Variants in SPATA22 observed in about 807,000 individuals in gnomAD.
The protein encoded by SPATA22 is spermatogenesis-associated protein 22.
In SPATA22, 29 loss-of-function variants were observed where a neutral mutation model predicts 47.8. The ratio of observed to expected loss-of-function variants is 0.61; its 90% CI spans 0.45 to 0.83. The LOEUF (loss-of-function observed/expected upper bound fraction) is 0.83, where lower values mean the gene tolerates loss of function less well. Ranked by LOEUF, SPATA22 falls within the 40% of genes least tolerant of loss-of-function variation. The pLI, the probability that SPATA22 is intolerant of heterozygous loss-of-function variation, is 0.00. For missense variants in SPATA22, 410 were observed against 421.7 expected (o/e 0.97, Z 0.24); for synonymous variants, 133 against 140.9 (o/e 0.94, Z 0.40).
intron 1 of SPATA22, among the ~76,000 whole-genome samples, chr17:3,487,269 A>G (rs1409144433): frequency 2.0e-5 from 3 of 152,236 alleles, no homozygotes; most frequent in African/African-American, 7.2e-5. Context: ...GTTGACTCAG[A>G]AAGATTGTCT....
intron 1 of SPATA22, among the ~76,000 whole-genome samples, chr17:3,509,676 T>C (rs1465763652): frequency 6.6e-6 from 1 of 152,240 alleles, no homozygotes; most frequent in Non-Finnish European, 1.5e-5. Context: ...TTTGGGTGTA[T>C]ACTCAGTAAT....
intron 5 of SPATA22, among the ~76,000 whole-genome samples, chr17:3,449,824 C>T (rs992618399): frequency 1.3e-5 from 2 of 151,964 alleles, no homozygotes; most frequent in Non-Finnish European, 2.9e-5. Flanking sequence ...AGGAGTTCCA[C>T]AGGAAACAAA....
chr17:3,505,740 T>TTGTC (rs1168759187), intron 1 of SPATA22, among the ~76,000 whole-genome samples: 1 of 118,638 alleles, frequency 8.4e-6, no homozygotes, highest in Admixed American at 1.0e-4. Flanking sequence ...GGTTTTTTGT[T>TTGTC]TGTTTGTTGT....
rs866392869 is a variant in SPATA22 at position 3,447,309 on chromosome 17, A to C, written c.673-708T>G. Among the ~76,000 whole-genome samples, 5 of 152,234 alleles carry C rather than the reference A, an allele frequency of 3.3e-5. No homozygotes were observed. In the Middle Eastern group the frequency reaches 0.01, roughly 311 times the overall value. Reference sequence around the variant, plus strand: ...TCAACTAAGAATACAGTGTGTTAAAATACTAATTTTCAAAGGCAAGGGGAC... The same window carrying C: ...TCAACTAAGAATACAGTGTGTTAAACTACTAATTTTCAAAGGCAAGGGGAC... On this transcript the variant is annotated intron_variant, in intron 6 of 8. Coordinates refer to ENST00000572969, the MANE Select transcript of SPATA22 (RefSeq NM_001170698.2).
At chr17:3,458,687 C>T (rs781219858) in intron 5 of SPATA22, among the ~76,000 whole-genome samples, 18 of 151,244 alleles carry the variant, frequency 1.2e-4, no homozygotes, top group East Asian at 1.2e-3. Context: ...TACTAAAATA[C>T]GAAATTAGCC....
chr17:3,504,234 T>G (rs2074020573), intron 1 of SPATA22, among the ~76,000 whole-genome samples: 1 of 152,224 alleles, frequency 6.6e-6, no homozygotes, highest in Admixed American at 6.5e-5. Flanking sequence ...TTGCCCCTCC[T>G]TCTATCCCAT....
intron 5 of SPATA22, among the ~76,000 whole-genome samples, chr17:3,454,137 G>T (rs1282792008): frequency 6.8e-6 from 1 of 146,236 alleles, no homozygotes; most frequent in Non-Finnish European, 1.5e-5. Flanking sequence ...ACACCAAAAA[G>T]AATAAAATAC....
At position 3,490,146 on chromosome 17, in the gene SPATA22, C is replaced by T. The variant is rs2150754398; in HGVS notation, c.-73-20748G>A. 6.6e-6 allele frequency among the ~76,000 whole-genome samples: 1 copy of T among 152,202 alleles called. No individual in the cohort carries two copies. Among genetic ancestry groups the T allele is most frequent in the South Asian group, 2.1e-4 (1 of 4,822 alleles). The stretch of plus-strand genomic sequence containing the variant: ...AGGGAAAGTCCTAGAAGAAAACACA[C>T]CAAACTGATAACAATAGTTACCGGG... On this transcript the variant is annotated intron_variant, in intron 1 of 8. Coordinates refer to the SPATA22 transcript ENST00000541913. This position sits in a 1 kb window ranked among gnomAD's most constrained non-coding sequence, Gnocchi z 4.6.
chr17:3,504,128 C>T (rs555343456), intron 1 of SPATA22, among the ~76,000 whole-genome samples: 2 of 152,218 alleles, frequency 1.3e-5, no homozygotes, highest in East Asian at 1.9e-4. Context: ...CCTCAGACTG[C>T]GCTCTAGCCA....
chr17:3,448,947 T>C lies in SPATA22; in HGVS notation c.532A>G (p.Thr178Ala), dbSNP rs1246319810. Residue 178 changes from threonine (T) to alanine (A), a missense_variant, in exon 6 of 9, where the codon ACA becomes GCA. Physicochemically the swap from Thr to Ala is moderately conservative, Grantham distance 58. Coordinates refer to ENST00000572969, the MANE Select transcript of SPATA22 (RefSeq NM_001170698.2). ...RNKETELLRQ[T>A]HSSKISGCTM... ...CAGCCAGATATTTTTGATGAATGTG[T>C]TTGTCTGAGTAGCTCGGTTTCTTTG... The C allele has an allele frequency of 6.2e-7, 1 of 1,614,098 alleles. No individual in the cohort carries two copies. The highest frequency in any genetic ancestry group is 1.7e-5 in the Admixed American group (1 of 60,016).
intron 8 of SPATA22, chr17:3,441,668 GA>G (rs953556996): frequency 6.6e-6 from 1 of 151,916 alleles, no homozygotes; most frequent in African/African-American, 2.4e-5. Flanking sequence ...ATATCAAACA[GA>G]AATACATGCA....
At chr17:3,491,716 C>A (rs542098349) in intron 1 of SPATA22, among the ~76,000 whole-genome samples, 91 of 152,018 alleles carry the variant, frequency 6.0e-4, no homozygotes, top group African/African-American at 2.0e-3. Context: ...CCACTGCACT[C>A]CAGCCTCGGT....
intron 5 of SPATA22, among the ~76,000 whole-genome samples, chr17:3,458,411 A>G: frequency 6.6e-6 from 1 of 152,228 alleles, no homozygotes; most frequent in East Asian, 1.9e-4. Context: ...GAAAAACAGT[A>G]TGGAAGTTCC....
intron 1 of SPATA22, chr17:3,498,912 C>A: frequency 1.2e-6 from 2 of 1,601,536 alleles, no homozygotes. Flanking sequence ...GAAACCACTG[C>A]ATCCTGGGGA....
At chr17:3,452,188 C>T (rs2072877641) in intron 5 of SPATA22, among the ~76,000 whole-genome samples, 2 of 150,684 alleles carry the variant, frequency 1.3e-5, no homozygotes. Context: ...ATCCTAACTT[C>T]ACACTTAAAG....
In SPATA22 at chr17:3,443,289, G is replaced by A; in HGVS notation, c.803-18C>T. 3 of 1,546,704 alleles carry A rather than the reference G, an allele frequency of 1.9e-6. No homozygotes were observed. The highest frequency in any genetic ancestry group is 1.4e-5 in the African/African-American group (1 of 71,926). On this transcript the variant is annotated intron_variant, in intron 7 of 8. Transcript: ENST00000572969. ...AAGAACAGCTAAGCAATATTGAAAT[G>A]GGGGAAAAAATGAATGTTGGTAAAC...
In SPATA22 at chr17:3,481,694, G is replaced by C. The variant is rs781156670; in HGVS notation, c.-73-12296C>G. On this transcript the variant is annotated intron_variant, in intron 1 of 8. Transcript: ENST00000541913. ...TCCAAAAGACAGTGAAGATTCCTAT[G>C]ACATTATTTTTGACCTTCACAACAC... 36 of 1,613,698 alleles carry C rather than the reference G, an allele frequency of 2.2e-5. No homozygotes were observed. The highest frequency in any genetic ancestry group is 2.9e-5 in the Non-Finnish European group (34 of 1,179,892).
chr17:3,477,219 G>A (rs35002210), intron 1 of SPATA22, among the ~76,000 whole-genome samples: 30,284 of 152,046 alleles, frequency 0.2, 3,622 homozygotes, highest in East Asian at 0.45. Context: ...AGTAGCAGAC[G>A]TACTTAACTT....
At chr17:3,487,711 G>A (rs529330954) in intron 1 of SPATA22, among the ~76,000 whole-genome samples, 73 of 152,190 alleles carry the variant, frequency 4.8e-4, no homozygotes, top group Non-Finnish European at 9.0e-4. Flanking sequence ...CATTGACTAG[G>A]GGATTATTAT....
Sources: allele counts gnomAD v4.1 joint callset (sites outside exome capture counted in the v4.1 genomes callset), GRCh38; gene constraint gnomAD v4.1.1; non-coding constraint Gnocchi (gnomAD v3.1); transcripts MANE v1.5; gene names NCBI Gene and HGNC (gene_info 2026-07-23, HGNC 2026-07-21).